The following RBBP8 variants were observed in gnomAD, a reference collection of about 807,000 sequenced individuals.
RBBP8 encodes the protein RB binding protein 8, endonuclease.
In RBBP8, 88 loss-of-function variants were observed where a neutral mutation model predicts 108.3. That is an observed-to-expected ratio of 0.81 (90% CI 0.68 to 0.97). RBBP8 has a LOEUF of 0.97. Among genes scored for constraint, RBBP8 ranks in the 50% least tolerant of loss-of-function variants. RBBP8 has a pLI of 0.00. For synonymous variants in RBBP8, 332 were observed against 348.2 expected (o/e 0.95, Z 0.52); for missense variants, 1,023 against 1,049.0 (o/e 0.98, Z 0.34).
chr18:22,974,682 A>C (rs1470410364), intron 5 of RBBP8, among the ~76,000 whole-genome samples: 2 of 151,610 alleles, frequency 1.3e-5, no homozygotes, highest in African/African-American at 2.4e-5. Flanking sequence ...CTGGTCTCGA[A>C]CTCCTCACCT....
At chr18:22,966,923 C>T (rs56062122) in intron 4 of RBBP8, among the ~76,000 whole-genome samples, 1 of 152,000 alleles carries the variant, frequency 6.6e-6, no homozygotes. Flanking sequence ...TGAGGTTTTG[C>T]CACATTGGCC....
chr18:22,992,549 A>T (rs1177925175), intron 10 of RBBP8, among the ~76,000 whole-genome samples, 199 bp from the exon 11 acceptor site: 2 of 152,218 alleles, frequency 1.3e-5, no homozygotes, highest in African/African-American at 2.4e-5. Flanking sequence ...AAAAATTTTT[A>T]AAATATGAAT....
Position 22,993,020 on chromosome 18 carries a change from T to A in RBBP8, c.1193T>A (p.Ile398Asn). The stretch of plus-strand genomic sequence containing the variant: ...CTTGGGTCTGAAGTGAACAAGATCA[T>A]TATCCAGTCATCTAATAAACAGATA... Reference protein sequence around the residue: ...HSLGSEVNKIIIQSSNKQILI... With the variant: ...HSLGSEVNKINIQSSNKQILI... The change falls in exon 11 of 19, where the codon ATT becomes AAT. Residue 398 changes from isoleucine to asparagine, a missense_variant. Ile to Asn is a moderately radical substitution (Grantham distance 149, BLOSUM62 -3). Transcript: ENST00000327155. 1 of 1,613,544 alleles carries A rather than the reference T, an allele frequency of 6.2e-7. No individual in the cohort carries two copies. The highest frequency in any genetic ancestry group is 1.7e-5 in the Admixed American group (1 of 60,014).
intron 7 of RBBP8, 80 bp downstream of exon 7, chr18:22,982,473 G>T: frequency 6.3e-7 from 1 of 1,599,600 alleles, no homozygotes; most frequent in Non-Finnish European, 8.5e-7. Context: ...ATTCAATCTA[G>T]TGATAAGAAG....
At chr18:23,010,531 A>C (rs1282920798) in intron 16 of RBBP8, among the ~76,000 whole-genome samples, 1 of 152,102 alleles carries the variant, frequency 6.6e-6, no homozygotes. Context: ...CAGGAAGTCA[A>C]GGCTGCAGTA....
In RBBP8 at chr18:22,982,113, A is replaced by C; in HGVS notation, c.429-105A>C. On this transcript the variant is annotated intron_variant, in intron 6 of 18. Transcript: ENST00000327155. ...TGGAACATTAGATGCAAGGGATTAC[A>C]TCCCTTAGAGCTTCATGTTTGTGTT... 4 of 1,305,466 alleles carry C rather than the reference A, an allele frequency of 3.1e-6. No homozygotes were observed. The African/African-American group carries it at 4.4e-5, about 14-fold the overall frequency. The allele number at this position is 1,305,466 out of a possible 1,614,324, so 80.9% of individuals were successfully genotyped here.
intron 8 of RBBP8, among the ~76,000 whole-genome samples, chr18:22,986,727 G>A (rs1341382385): frequency 1.3e-5 from 2 of 152,176 alleles, no homozygotes; most frequent in African/African-American, 4.8e-5. Context: ...GGTTGGTCAA[G>A]GTTAATCACT....
intron 8 of RBBP8, among the ~76,000 whole-genome samples, chr18:22,988,063 T>C (rs1915450867): frequency 6.6e-6 from 1 of 152,194 alleles, no homozygotes; most frequent in Non-Finnish European, 1.5e-5. Context: ...CCTCTAAGTC[T>C]TACTGATTCC....
chr18:22,959,184 C>T (rs1912852320), intron 4 of RBBP8, among the ~76,000 whole-genome samples: 2 of 152,102 alleles, frequency 1.3e-5, no homozygotes, highest in Admixed American at 6.5e-5. Context: ...TCAAAGGGTC[C>T]TTGCATTCTC....
At chr18:22,960,899 A>G (rs1419376455) in intron 4 of RBBP8, among the ~76,000 whole-genome samples, 1 of 152,218 alleles carries the variant, frequency 6.6e-6, no homozygotes, top group Non-Finnish European at 1.5e-5. Flanking sequence ...CTGTTCTAAA[A>G]GATGAGTTGT....
At chr18:22,976,432 G>T (rs1914503202) in intron 6 of RBBP8, among the ~76,000 whole-genome samples, 1 of 152,060 alleles carries the variant, frequency 6.6e-6, no homozygotes, top group Non-Finnish European at 1.5e-5. Flanking sequence ...AACCCAAAAG[G>T]TTATTTTTGA....
At position 22,993,822 on chromosome 18, in the gene RBBP8, A is replaced by G; in HGVS notation, c.1914A>G (p.Lys638=). ...AGTTAAATCCATGTAGAACTGGTAA[A>G]ATAAAGTCTCTACAAAACAACCAAG... is the stretch of plus-strand genomic sequence containing the variant. The part of the protein sequence containing the change: ...VLQLNPCRTG[K]IKSLQNNQDV... Residue 638 remains lysine, a synonymous_variant, in exon 12 of 19, where the codon AAA becomes AAG. Transcript: ENST00000327155. The G allele has an allele frequency of 6.2e-7, 1 of 1,613,676 alleles. No homozygotes were observed. The highest frequency in any genetic ancestry group is 1.1e-5 in the South Asian group (1 of 91,052).
chr18:23,009,306 T>C (rs1237374100), intron 16 of RBBP8, among the ~76,000 whole-genome samples: 2 of 151,978 alleles, frequency 1.3e-5, no homozygotes, highest in African/African-American at 4.8e-5. Context: ...TAATGAAAAT[T>C]GTTTGAAAAC....
chr18:22,989,180 G>A (rs764064945), intron 8 of RBBP8, 41 bp from the exon 9 acceptor site: 1 of 1,405,662 alleles, frequency 7.1e-7, no homozygotes, highest in Non-Finnish European at 1.0e-6. Context: ...TTGTAAAATT[G>A]GTTTTATTAT....
chr18:22,989,443 T>C (rs1915535534), intron 9 of RBBP8, 125 bp downstream of exon 9: 1 of 664,756 alleles, frequency 1.5e-6, no homozygotes, highest in East Asian at 3.2e-5. Context: ...GAAACAAAAC[T>C]TACATTGTTA....
intron 15 of RBBP8, among the ~76,000 whole-genome samples, chr18:23,002,366 C>G (rs1031755621): frequency 3.3e-5 from 5 of 152,124 alleles, no homozygotes; most frequent in Non-Finnish European, 7.3e-5. Context: ...GAACCGCTGA[C>G]TGTACTTCAG....
chr18:22,984,884 A>G lies in RBBP8; in HGVS notation c.605-2A>G. On this transcript the variant is annotated splice_acceptor_variant, in intron 7 of 18. Coordinates refer to ENST00000327155, the MANE Select transcript of RBBP8 (RefSeq NM_002894.3). LOFTEE classifies it high-confidence loss of function. ...TAATCTCTTATTTTTTTCTCCCCTT[A>G]GAAATGAGAAAAGTTTCCAAGTCTT... 1 of 1,557,454 alleles carries G rather than the reference A, an allele frequency of 6.4e-7. No homozygotes were observed.
chr18:22,959,870 C>CTTTTTTTTTTTTTT, intron 4 of RBBP8, among the ~76,000 whole-genome samples: 1 of 86,408 alleles, frequency 1.2e-5, no homozygotes, highest in Non-Finnish European at 2.2e-5. Flanking sequence ...GATGAACTTT[C>CTTTTTTTTTTTTTT]TTTTTTTTTT....
In RBBP8 at chr18:22,949,610, A is replaced by T; in HGVS notation, c.153-8A>T. On this transcript the variant is annotated splice_region_variant and splice_polypyrimidine_tract_variant and intron_variant, in intron 3 of 18. Coordinates refer to ENST00000327155, the MANE Select transcript of RBBP8 (RefSeq NM_002894.3). Reference sequence around the variant, plus strand: ...ATCTGAAAAACTTATTTATTTTTTGACCTTTAGAGATGCACAAAGACTAGA... The same window carrying T: ...ATCTGAAAAACTTATTTATTTTTTGTCCTTTAGAGATGCACAAAGACTAGA... 2 of 1,587,806 alleles carry T rather than the reference A, an allele frequency of 1.3e-6. No homozygotes were observed. Among genetic ancestry groups the T allele is most frequent in the South Asian group, 2.2e-5 (2 of 90,468 alleles).
Sources: gnomAD v4.1 joint callset for allele counts (sites outside exome capture counted in the v4.1 genomes callset) on GRCh38, gnomAD v4.1.1 for gene constraint, MANE v1.5 for transcripts, NCBI Gene and HGNC (gene_info 2026-07-23, HGNC 2026-07-21) for gene names.